Variants in ABCC1 observed in about 807,000 individuals in gnomAD.
ABCC1 encodes multidrug resistance-associated protein 1.
Under a neutral mutation model 172.9 loss-of-function variants are expected in ABCC1, and 83 were observed. That is an observed-to-expected ratio of 0.48 (90% CI 0.40 to 0.58). The LOEUF (loss-of-function observed/expected upper bound fraction) is 0.58. Ranked by LOEUF, ABCC1 falls within the 20% of genes least tolerant of loss-of-function variation. The pLI is 0.00. For synonymous variants in ABCC1, 937 were observed against 825.2 expected (o/e 1.14, Z -2.32); for missense variants, 1,817 against 2,002.7 (o/e 0.91, Z 1.77).
intron 9 of ABCC1, 55 bp from the exon 10 acceptor site, chr16:16,048,087 G>C: frequency 6.3e-7 from 1 of 1,595,310 alleles, no homozygotes; most frequent in Non-Finnish European, 8.6e-7. Flanking sequence ...TGGAGGGAGA[G>C]TCAGGCCTCT....
intron 16 of ABCC1, among the ~76,000 whole-genome samples, chr16:16,082,610 C>T (rs2050848591): frequency 6.6e-6 from 1 of 152,104 alleles, no homozygotes; most frequent in Non-Finnish European, 1.5e-5. Context: ...AGGATATTTC[C>T]TCAAAGATCC....
chr16:16,085,930 G>A (rs1390753568), intron 17 of ABCC1, among the ~76,000 whole-genome samples: 1 of 152,180 alleles, frequency 6.6e-6, no homozygotes, highest in Non-Finnish European at 1.5e-5. Flanking sequence ...GGGAGCTGGC[G>A]CTGCTGCTGG....
intron 1 of ABCC1, among the ~76,000 whole-genome samples, chr16:15,988,644 G>A (rs2046793934): frequency 6.6e-6 from 1 of 152,196 alleles, no homozygotes; most frequent in South Asian, 2.1e-4. Context: ...GGCCTTCCAC[G>A]AGAGGCCTCA....
At chr16:16,036,183 G>A (rs1452772120) in intron 6 of ABCC1, among the ~76,000 whole-genome samples, 1 of 151,218 alleles carries the variant, frequency 6.6e-6, no homozygotes, top group Non-Finnish European at 1.5e-5. Context: ...CTGATACTTC[G>A]CTCCTAAATC....
intron 13 of ABCC1, among the ~76,000 whole-genome samples, chr16:16,069,479 C>T (rs887351053): frequency 7.2e-5 from 11 of 151,988 alleles, no homozygotes; most frequent in Non-Finnish European, 5.9e-5. Context: ...TGTTTTGTCA[C>T]ACTTGGGCAC....
At chr16:16,005,896 G>C (rs568787515) in intron 1 of ABCC1, among the ~76,000 whole-genome samples, 1 of 151,850 alleles carries the variant, frequency 6.6e-6, no homozygotes, top group African/African-American at 2.4e-5. Context: ...AGAGATTGCA[G>C]TGAGCCGAGA....
chr16:16,007,406 A>G lies in ABCC1; in HGVS notation c.49-410A>G, dbSNP rs140185294. Reference sequence around the variant, plus strand: ...TGCTCAGCCACTTTTTGTGTTTTTCATAGAGGCAGCATCTCACTATCTTGC... The same window carrying G: ...TGCTCAGCCACTTTTTGTGTTTTTCGTAGAGGCAGCATCTCACTATCTTGC... On this transcript the variant is annotated intron_variant, in intron 1 of 30. Transcript: ENST00000399410. Among the ~76,000 whole-genome samples the G allele has an allele frequency of 2.0e-5, 3 of 152,112 alleles. No individual in the cohort carries two copies. In the East Asian group the frequency reaches 5.8e-4, roughly 29 times the overall value.
At chr16:16,116,977 C>T (rs2044908351) in intron 23 of ABCC1, among the ~76,000 whole-genome samples, 1 of 152,160 alleles carries the variant, frequency 6.6e-6, no homozygotes, top group Non-Finnish European at 1.5e-5. Context: ...GGGTCTGCAG[C>T]ATGGACCTGC....
intron 12 of ABCC1, chr16:16,056,619 A>G (rs1001346643): frequency 1.0e-5 from 4 of 384,100 alleles, no homozygotes; most frequent in East Asian, 1.2e-4. Flanking sequence ...GAGTGGGCCA[A>G]GATCACGCCA....
At chr16:16,112,387 A>AAC (rs1555500606) in intron 22 of ABCC1, among the ~76,000 whole-genome samples, 1 of 151,090 alleles carries the variant, frequency 6.6e-6, no homozygotes, top group African/African-American at 2.4e-5. Context: ...AAAAAAAAAA[A>AAC]CCCTGCTCTA....
chr16:16,106,987 C>T (rs2052150761), intron 21 of ABCC1, 114 bp downstream of exon 21: 2 of 1,402,528 alleles, frequency 1.4e-6, no homozygotes, highest in African/African-American at 1.4e-5. Context: ...CATCACAACA[C>T]ACCTGTGAAG....
intron 1 of ABCC1, among the ~76,000 whole-genome samples, chr16:15,978,423 G>C (rs1377058828): frequency 6.6e-6 from 1 of 152,176 alleles, no homozygotes; most frequent in East Asian, 1.9e-4. Context: ...TGTCCTTGCT[G>C]TATGAATGAG....
intron 10 of ABCC1, 29 bp from the exon 11 acceptor site, chr16:16,052,695 G>C (rs376605340): frequency 6.2e-7 from 1 of 1,608,242 alleles, no homozygotes; most frequent in African/African-American, 1.3e-5. Flanking sequence ...TGTCTGGTGA[G>C]TGATGAAGAG....
In ABCC1 at chr16:16,007,812, G is replaced by T. The variant is rs776425817; in HGVS notation, c.49-4G>T. 2 of 1,608,554 alleles carry T rather than the reference G, an allele frequency of 1.2e-6. No homozygotes were observed. The highest frequency in any genetic ancestry group is 1.1e-5 in the South Asian group (1 of 89,872). On this transcript the variant is annotated splice_polypyrimidine_tract_variant and splice_region_variant and intron_variant, in intron 1 of 30. Transcript: ENST00000399410. ...TGACCCCTCGCCTGTGTTTGTGTTC[G>T]CAGGACTGGAATGTCACGTGGAATA...
chr16:15,999,048 T>C (rs2047154084), intron 1 of ABCC1, among the ~76,000 whole-genome samples: 1 of 152,182 alleles, frequency 6.6e-6, no homozygotes, highest in African/African-American at 2.4e-5. Context: ...TCTCCCAGGC[T>C]GGAGTGCAGT....
At chr16:16,128,463 A>G (rs1032591131) in intron 26 of ABCC1, among the ~76,000 whole-genome samples, 11 of 152,130 alleles carry the variant, frequency 7.2e-5, no homozygotes, top group Admixed American at 1.3e-4. Flanking sequence ...TTCAGTTTTT[A>G]AAAGCATTTT....
chr16:15,999,086 T>A (rs1352869848), intron 1 of ABCC1, among the ~76,000 whole-genome samples: 2 of 152,134 alleles, frequency 1.3e-5, no homozygotes, highest in South Asian at 4.1e-4. Flanking sequence ...CTGCAAGCTC[T>A]GCCTTCTGGG....
intron 12 of ABCC1, among the ~76,000 whole-genome samples, chr16:16,059,144 C>T (rs1250778449): frequency 6.6e-6 from 1 of 152,184 alleles, no homozygotes; most frequent in Non-Finnish European, 1.5e-5. Flanking sequence ...GGACCAGCAG[C>T]CATGGCATCA....
chr16:16,103,205 G>A (rs573894817), intron 20 of ABCC1, among the ~76,000 whole-genome samples: 2 of 152,216 alleles, frequency 1.3e-5, no homozygotes, highest in South Asian at 2.1e-4. Context: ...AAGTATGCTC[G>A]TGTTTGATTA....
Sources: gnomAD v4.1 joint callset for allele counts (sites outside exome capture counted in the v4.1 genomes callset) on GRCh38, gnomAD v4.1.1 for gene constraint, MANE v1.5 for transcripts, NCBI Gene and HGNC (gene_info 2026-07-23, HGNC 2026-07-21) for gene names.